Variants in SMOC2 observed in about 807,000 individuals in gnomAD.
SMOC2 encodes the protein SPARC-related modular calcium-binding protein 2.
In SMOC2, 39 loss-of-function variants were observed where a neutral mutation model predicts 61.4. The observed-to-expected ratio is 0.64, with a 90% CI of 0.49 to 0.83. The LOEUF (loss-of-function observed/expected upper bound fraction) is 0.83, where lower values mean the gene tolerates loss of function less well. Ranked by LOEUF, SMOC2 falls within the 40% of genes least tolerant of loss-of-function variation. SMOC2 has a pLI of 0.00. For synonymous variants in SMOC2, 247 were observed against 239.9 expected (o/e 1.03, Z -0.27); for missense variants, 556 against 592.9 (o/e 0.94, Z 0.65).
At chr6:168,449,531 TATTA>T (rs1443393457) in intron 1 of SMOC2, among the ~76,000 whole-genome samples, 1 of 152,232 alleles carries the variant, frequency 6.6e-6, no homozygotes, top group Non-Finnish European at 1.5e-5. Context: ...TTTGGTTGTA[TATTA>T]ATTCATGCCA....
chr6:168,532,014 C>T (rs779988568), intron 4 of SMOC2, among the ~76,000 whole-genome samples: 47 of 152,278 alleles, frequency 3.1e-4, no homozygotes, highest in Non-Finnish European at 5.4e-4. Context: ...AGCCGGCTCT[C>T]GGAGACGTAT....
At chr6:168,618,652 G>A (rs1342706336) in intron 9 of SMOC2, among the ~76,000 whole-genome samples, 5 of 152,210 alleles carry the variant, frequency 3.3e-5, no homozygotes, top group Non-Finnish European at 7.3e-5. Flanking sequence ...TGGTAAAAGA[G>A]TTAAGACAAG....
intron 1 of SMOC2, among the ~76,000 whole-genome samples, chr6:168,485,800 A>C (rs1390821240): frequency 6.6e-6 from 1 of 152,210 alleles, no homozygotes; most frequent in East Asian, 1.9e-4. Flanking sequence ...TGAATTGTAC[A>C]ATTTGAATGG....
chr6:168,463,011 A>T (rs1781749516), intron 1 of SMOC2, among the ~76,000 whole-genome samples: 1 of 152,216 alleles, frequency 6.6e-6, no homozygotes, highest in African/African-American at 2.4e-5. Flanking sequence ...GAAGGCTCCC[A>T]CATTTGTTTG....
At chr6:168,471,906 G>A (rs892393178) in intron 1 of SMOC2, among the ~76,000 whole-genome samples, 8 of 152,106 alleles carry the variant, frequency 5.3e-5, no homozygotes, top group Admixed American at 1.3e-4. Flanking sequence ...TATTTTTGTT[G>A]TTGTTGACTT....
intron 1 of SMOC2, among the ~76,000 whole-genome samples, chr6:168,493,787 G>A (rs1020894222): frequency 2.0e-5 from 3 of 152,074 alleles, no homozygotes; most frequent in Admixed American, 1.3e-4. Flanking sequence ...TCTTTTCTTA[G>A]TTAAATGACA....
chr6:168,620,996 C>T (rs1165387154), intron 9 of SMOC2, among the ~76,000 whole-genome samples: 1 of 149,814 alleles, frequency 6.7e-6, no homozygotes, highest in East Asian at 1.9e-4. Context: ...TTCTCAAAAC[C>T]TGGCTTGTGA....
intron 4 of SMOC2, among the ~76,000 whole-genome samples, chr6:168,538,176 A>G (rs1226177804): frequency 6.4e-5 from 5 of 77,904 alleles, no homozygotes; most frequent in Admixed American, 1.5e-4. Flanking sequence ...AATCTGGGGG[A>G]GTGGGGTGAC....
At chr6:168,574,322 C>T (rs1316840761) in intron 7 of SMOC2, among the ~76,000 whole-genome samples, 1 of 152,158 alleles carries the variant, frequency 6.6e-6, no homozygotes, top group African/African-American at 2.4e-5. Flanking sequence ...GGCAGGTCAG[C>T]AGCCATCCTG....
chr6:168,636,735 C>T (rs1472905868), intron 9 of SMOC2, among the ~76,000 whole-genome samples: 2 of 152,224 alleles, frequency 1.3e-5, no homozygotes, highest in Non-Finnish European at 2.9e-5. Context: ...GTGACTGCTG[C>T]GTGAGAACTG....
At position 168,598,184 on chromosome 6, in the gene SMOC2, A is replaced by G. The variant is rs141294174; in HGVS notation, c.638-634A>G. The stretch of plus-strand genomic sequence containing the variant: ...AATTTTCACGATTTGGGGCTGAACA[A>G]CTTTTAGATAGCGTGCACCTGTTCT... On this transcript the variant is annotated intron_variant, in intron 7 of 12. Transcript: ENST00000356284. Among the ~76,000 whole-genome samples the G allele has an allele frequency of 3.6e-4, 55 of 152,268 alleles. 1 individual carries two copies. The highest frequency in any genetic ancestry group is 1.3e-3 in the African/African-American group (53 of 41,556).
Position 168,519,591 on chromosome 6 carries a change from A to G in SMOC2, c.257-6755A>G, listed in dbSNP as rs1203864978. Among the ~76,000 whole-genome samples, 5 of 152,324 alleles carry G rather than the reference A, an allele frequency of 3.3e-5. 1 individual carries two copies. Among genetic ancestry groups the G allele is most frequent in the African/African-American group, 1.2e-4 (5 of 41,566 alleles). On this transcript the variant is annotated intron_variant, in intron 2 of 12. Transcript: ENST00000356284. ...AAACACAGCCGGACGTTCCTAGAAC[A>G]TCGCACATCCAAAGGGCCTTTCCTT...
chr6:168,490,488 C>T (rs1023697662), intron 1 of SMOC2, among the ~76,000 whole-genome samples: 2 of 152,182 alleles, frequency 1.3e-5, no homozygotes, highest in Non-Finnish European at 2.9e-5. Flanking sequence ...CCCTTGATGG[C>T]CTGCACGCCC....
chr6:168,619,359 A>G (rs941719332), intron 9 of SMOC2, among the ~76,000 whole-genome samples: 3 of 152,222 alleles, frequency 2.0e-5, no homozygotes, highest in Admixed American at 6.5e-5. Context: ...TGCCAGACAA[A>G]TTAATAGTGT....
rs553837855 is a variant in SMOC2, at chr6:168,653,284, G to C, written c.1285+56G>C. The C allele has an allele frequency of 2.6e-5, 41 of 1,554,284 alleles. 1 individual carries two copies. The South Asian group carries it at 5.0e-4, about 19-fold the overall frequency. ...AGTGGTCAGGCCCTGAGGCCTGGGA[G>C]GTCTGCTTCTCACAAACACAATTAC... On this transcript the variant is annotated intron_variant, in intron 11 of 12. Coordinates refer to ENST00000356284, the MANE Select transcript of SMOC2 (RefSeq NM_001166412.2).
chr6:168,585,221 AG>A (rs960372049), intron 7 of SMOC2, among the ~76,000 whole-genome samples: 6 of 152,150 alleles, frequency 3.9e-5, no homozygotes, highest in African/African-American at 1.4e-4. Flanking sequence ...GACCTCCCAA[AG>A]GGCTGGGATT....
intron 1 of SMOC2, among the ~76,000 whole-genome samples, chr6:168,502,736 T>TTTTAATTTAATTTAATTTAA (rs59846215): frequency 1.3e-5 from 2 of 149,248 alleles, no homozygotes; most frequent in Non-Finnish European, 3.0e-5. Flanking sequence ...TTTTATTTTA[T>TTTTAATTTAATTTAATTTAA]TTTAATTTAA....
intron 9 of SMOC2, among the ~76,000 whole-genome samples, chr6:168,620,423 G>T (rs546577348): frequency 6.6e-6 from 1 of 152,212 alleles, no homozygotes; most frequent in East Asian, 1.9e-4. Context: ...GTACTCTGGA[G>T]CTGAGACCTG....
At chr6:168,509,734 A>T (rs1433902256) in intron 1 of SMOC2, among the ~76,000 whole-genome samples, 181 bp from the exon 2 acceptor site, 1 of 152,358 alleles carries the variant, frequency 6.6e-6, no homozygotes. Context: ...CTTTTGAAAC[A>T]GATGATGGCT....
Sources: allele counts gnomAD v4.1 joint callset (sites outside exome capture counted in the v4.1 genomes callset), GRCh38; gene constraint gnomAD v4.1.1; transcripts MANE v1.5; gene names NCBI Gene and HGNC (gene_info 2026-07-23, HGNC 2026-07-21).